PARVA: variants seen among roughly 807,000 people sequenced by gnomAD.
PARVA encodes alpha-parvin.
PARVA carries 25 observed loss-of-function variants against 52.6 expected under a neutral mutation model. The ratio of observed to expected loss-of-function variants is 0.48; its 90% CI spans 0.35 to 0.66. The LOEUF (loss-of-function observed/expected upper bound fraction) is 0.66. Among genes scored for constraint, PARVA ranks in the 30% least tolerant of loss-of-function variants. The pLI is 0.01. For synonymous variants in PARVA, 185 were observed against 179.1 expected (o/e 1.03, Z -0.26); for missense variants, 373 against 450.9 (o/e 0.83, Z 1.56).
intron 6 of PARVA, among the ~76,000 whole-genome samples, chr11:12,505,598 T>C (rs1268345234): frequency 6.6e-6 from 1 of 152,162 alleles, no homozygotes; most frequent in African/African-American, 2.4e-5. Flanking sequence ...AGAGGGCTCA[T>C]AGGAAATGGG....
intron 1 of PARVA, among the ~76,000 whole-genome samples, chr11:12,415,135 G>C (rs1189351164): frequency 2.6e-5 from 4 of 151,302 alleles, no homozygotes; most frequent in African/African-American, 9.7e-5. Context: ...CATGACTTAG[G>C]GAGAGAGTTT....
chr11:12,527,880 A>G lies in PARVA; in HGVS notation c.1074A>G (p.Leu358=), dbSNP rs1398538874. The change falls in exon 13 of 13, where the codon CTA becomes CTG. Residue 358 remains leucine, a synonymous_variant. Coordinates refer to ENST00000334956, the MANE Select transcript of PARVA (RefSeq NM_018222.5). ...TCAACTGTGACCTGAAATCTACACT[A>G]CGAGTGTTGTACAACCTCTTCACCA... ...DIVNCDLKST[L]RVLYNLFTKY... 2 of 1,613,394 alleles carry G rather than the reference A, an allele frequency of 1.2e-6. No individual in the cohort carries two copies. Among genetic ancestry groups the G allele is most frequent in the African/African-American group, 2.7e-5 (2 of 74,906 alleles).
At chr11:12,506,794 A>G (rs1380013008) in intron 6 of PARVA, among the ~76,000 whole-genome samples, 1 of 152,254 alleles carries the variant, frequency 6.6e-6, no homozygotes, top group African/African-American at 2.4e-5. Flanking sequence ...ACTGAACCAC[A>G]GGGAGAACTC....
Position 12,517,466 on chromosome 11 carries a change from C to T in PARVA, c.868-144C>T, listed in dbSNP as rs1276579395. On this transcript the variant is annotated intron_variant, in intron 10 of 12. Transcript: ENST00000334956. Reference sequence around the variant, plus strand: ...TGGGGCAGAGCAGACCTCCTTGTCTCGGGCCACTGCCCCTACCCCCGAGCT... The same window carrying T: ...TGGGGCAGAGCAGACCTCCTTGTCTTGGGCCACTGCCCCTACCCCCGAGCT... 6 of 652,158 alleles carry T rather than the reference C, an allele frequency of 9.2e-6. No individual in the cohort carries two copies. The East Asian group carries it at 1.4e-4, about 15-fold the overall frequency. The allele number at this position is 652,158 out of a possible 1,614,324, so 40.4% of individuals were successfully genotyped here. A position where few individuals can be genotyped will look rare whatever the true frequency, so the allele number is the denominator to read the frequency against.
intron 1 of PARVA, among the ~76,000 whole-genome samples, chr11:12,462,631 A>G (rs1257126294): frequency 2.6e-5 from 4 of 152,232 alleles, no homozygotes; most frequent in Admixed American, 1.3e-4. Context: ...GTGATTTGCT[A>G]CTACAGCAAT....
chr11:12,490,954 C>T (rs1941227304), intron 4 of PARVA, among the ~76,000 whole-genome samples: 1 of 151,772 alleles, frequency 6.6e-6, no homozygotes, highest in Non-Finnish European at 1.5e-5. Context: ...AGTATATAAC[C>T]TCCCTACTAA....
At chr11:12,496,356 ATGCATGAG>A (rs754519021) in intron 4 of PARVA, 94 bp from the exon 5 acceptor site, 128 of 1,228,290 alleles carry the variant, frequency 1.0e-4, no homozygotes, top group Non-Finnish European at 1.4e-4. Flanking sequence ...GAGTGCATGC[ATGCATGAG>A]TGCATGAGAG....
upstream of PARVA, chr11:12,377,400 G>A: frequency 7.3e-7 from 1 of 1,361,576 alleles, no homozygotes; most frequent in Non-Finnish European, 9.4e-7. Context: ...CATCCTCCCT[G>A]CTTGGGGCAA....
intron 1 of PARVA, among the ~76,000 whole-genome samples, chr11:12,466,717 GTTT>G (rs377571213): frequency 6.8e-6 from 1 of 147,676 alleles, no homozygotes; most frequent in Non-Finnish European, 1.5e-5. Flanking sequence ...CAGATTTTCT[GTTT>G]TTTTTTTCTA....
chr11:12,380,258 G>T (rs550524280), intron 1 of PARVA, among the ~76,000 whole-genome samples: 29 of 140,696 alleles, frequency 2.1e-4, no homozygotes, highest in Admixed American at 8.8e-4. Context: ...TGTGGGCAGG[G>T]TTAAGGGAAC....
Position 12,441,752 on chromosome 11 carries a change from G to T in PARVA, c.137-31993G>T, listed in dbSNP as rs557793054. Among the ~76,000 whole-genome samples the T allele has an allele frequency of 9.9e-5, 15 of 151,668 alleles. 1 individual carries two copies. The South Asian group carries it at 2.8e-3, about 28-fold the overall frequency. On this transcript the variant is annotated intron_variant, in intron 1 of 12. Coordinates refer to ENST00000334956, the MANE Select transcript of PARVA (RefSeq NM_018222.5). ...CAACCAAATCTGCTGAGGGAGGCAG[G>T]ATTAAACAAAAACGACTATATTTTA... is the stretch of plus-strand genomic sequence containing the variant.
At chr11:12,525,007 G>A (rs1446089652) in intron 12 of PARVA, among the ~76,000 whole-genome samples, 4 of 152,218 alleles carry the variant, frequency 2.6e-5, no homozygotes, top group Non-Finnish European at 1.5e-5. Flanking sequence ...GGAGGACCTA[G>A]AGCCAGCTAT....
At chr11:12,385,698 T>G (rs190201335) in intron 1 of PARVA, among the ~76,000 whole-genome samples, 17 of 152,364 alleles carry the variant, frequency 1.1e-4, no homozygotes, top group African/African-American at 3.8e-4. Context: ...CAAGTGTGGC[T>G]ATGTTCCCAT....
intron 9 of PARVA, 151 bp from the exon 10 acceptor site, chr11:12,513,846 T>C: frequency 1.5e-6 from 1 of 671,160 alleles, no homozygotes; most frequent in Non-Finnish European, 2.6e-6. Flanking sequence ...CAATGGCCTT[T>C]GCAGAGAGAG....
rs541091581 is a variant in PARVA at position 12,444,491 on chromosome 11, C to T, written c.137-29254C>T. On this transcript the variant is annotated intron_variant, in intron 1 of 12. Coordinates refer to ENST00000334956, the MANE Select transcript of PARVA (RefSeq NM_018222.5). ...ATAGGGTCTCACTCTGTTGCCCAGGCTGGAGTGCAGTGACAAGATCAAAAC... is the reference window on the plus strand; with the variant it reads ...ATAGGGTCTCACTCTGTTGCCCAGGTTGGAGTGCAGTGACAAGATCAAAAC... Among the ~76,000 whole-genome samples the T allele has an allele frequency of 2.6e-5, 4 of 152,130 alleles. No homozygotes were observed. The South Asian group carries it at 8.3e-4, about 32-fold the overall frequency.
At chr11:12,504,496 C>T (rs1941407080) in intron 6 of PARVA, 67 bp downstream of exon 6, 5 of 935,504 alleles carry the variant, frequency 5.3e-6, no homozygotes, top group Admixed American at 2.0e-5. Context: ...TCCTATGGTG[C>T]GTCGAGTAGG....
intron 1 of PARVA, among the ~76,000 whole-genome samples, chr11:12,420,043 T>A (rs1397629554): frequency 6.6e-6 from 1 of 152,228 alleles, no homozygotes; most frequent in Non-Finnish European, 1.5e-5. Context: ...ATGTTCCGAA[T>A]ACATACGTAG....
rs1331468910 is a variant in PARVA at position 12,496,613 on chromosome 11, G to A, written c.541+15G>A. 6.2e-7 allele frequency: 1 copy of A among 1,608,998 alleles called. No individual in the cohort carries two copies. The highest frequency in any genetic ancestry group is 8.5e-7 in the Non-Finnish European group (1 of 1,177,810). On this transcript the variant is annotated intron_variant, in intron 5 of 12. Transcript: ENST00000334956. ...GAATGTGGATTGTGAGTTGAACAAA[G>A]GAAAGGGGCACCATTAAACAATGCC...
intron 1 of PARVA, among the ~76,000 whole-genome samples, chr11:12,421,068 C>A (rs1310129139): frequency 2.6e-5 from 3 of 114,404 alleles, no homozygotes; most frequent in African/African-American, 9.6e-5. Context: ...GGTGATACTA[C>A]CATGATTTAC....
Sources: gnomAD v4.1 joint callset for allele counts (sites outside exome capture counted in the v4.1 genomes callset) on GRCh38, gnomAD v4.1.1 for gene constraint, MANE v1.5 for transcripts, NCBI Gene and HGNC (gene_info 2026-07-23, HGNC 2026-07-21) for gene names.